CADM2: variants seen among roughly 807,000 people sequenced by gnomAD.
CADM2 encodes the protein immunoglobulin superfamily member 4D.
In CADM2, 12 loss-of-function variants were observed where a neutral mutation model predicts 49.8. The ratio of observed to expected loss-of-function variants is 0.24; its 90% CI spans 0.15 to 0.39. The LOEUF is 0.39. CADM2 is among the 10% of genes least tolerant of loss of function. The pLI, the probability that CADM2 is intolerant of heterozygous loss-of-function variation, is 1.00. For missense variants in CADM2, 378 were observed against 492.3 expected, an observed-to-expected ratio of 0.77 and a Z score of 2.20; for synonymous variants, 214 against 175.4, an observed-to-expected ratio of 1.22 and a Z score of -1.74.
intron 3 of CADM2, among the ~76,000 whole-genome samples, chr3:85,880,026 A>T (rs1449291879): frequency 6.6e-6 from 1 of 152,136 alleles, no homozygotes; most frequent in Non-Finnish European, 1.5e-5. Context: ...TGCCATCCCT[A>T]GTCCTTGGCA....
At chr3:85,359,656 A>AT (rs2032173104) in intron 1 of CADM2, among the ~76,000 whole-genome samples, 1 of 17,408 alleles carries the variant, frequency 5.7e-5, no homozygotes, top group East Asian at 1.2e-3. Flanking sequence ...ATATATATAT[A>AT]TATATATATA....
At chr3:85,441,097 C>T (rs1407316338) in intron 1 of CADM2, among the ~76,000 whole-genome samples, 2 of 151,894 alleles carry the variant, frequency 1.3e-5, no homozygotes, top group Non-Finnish European at 2.9e-5. Flanking sequence ...CCATAATTCT[C>T]ACATGTATTC....
chr3:85,929,733 T>A (rs1186093541), intron 6 of CADM2, among the ~76,000 whole-genome samples: 1 of 152,042 alleles, frequency 6.6e-6, no homozygotes, highest in Admixed American at 6.6e-5. Context: ...TTAACTCAGT[T>A]TTTGAGATGA....
At chr3:85,836,697 A>G (rs2074425172) in intron 3 of CADM2, among the ~76,000 whole-genome samples, 1 of 151,678 alleles carries the variant, frequency 6.6e-6, no homozygotes, top group African/African-American at 2.4e-5. Flanking sequence ...GAAGATATCC[A>G]GGGAAACTTC....
chr3:85,207,460 C>A (rs1414342131), intron 1 of CADM2, among the ~76,000 whole-genome samples: 4 of 152,092 alleles, frequency 2.6e-5, no homozygotes, highest in Non-Finnish European at 5.9e-5. Context: ...ATAATCTCTT[C>A]ATATTCTTCT....
intron 3 of CADM2, among the ~76,000 whole-genome samples, chr3:85,848,448 A>G (rs1447391121): frequency 2.0e-5 from 3 of 152,188 alleles, no homozygotes; most frequent in African/African-American, 7.2e-5. Flanking sequence ...TAATTAAACC[A>G]TAAAATAATC....
chr3:85,135,409 A>G (rs977660556), intron 1 of CADM2, among the ~76,000 whole-genome samples: 2 of 152,040 alleles, frequency 1.3e-5, no homozygotes, highest in African/African-American at 4.8e-5. Flanking sequence ...TTGCTTTTCT[A>G]TTGGCACAAT....
chr3:85,899,111 G>A (rs977674973), intron 5 of CADM2, among the ~76,000 whole-genome samples: 5 of 150,324 alleles, frequency 3.3e-5, no homozygotes, highest in Admixed American at 2.0e-4. Flanking sequence ...GATTACAGGC[G>A]TGCACCAACA....
At chr3:85,123,737 C>A (rs2038939369) in intron 1 of CADM2, among the ~76,000 whole-genome samples, 1 of 152,010 alleles carries the variant, frequency 6.6e-6, no homozygotes, top group South Asian at 2.1e-4. Flanking sequence ...ATATTTAAAT[C>A]TGTCCTTCTA....
intron 1 of CADM2, among the ~76,000 whole-genome samples, chr3:85,101,492 A>G (rs562091839): frequency 1.3e-5 from 2 of 152,250 alleles, no homozygotes; most frequent in Non-Finnish European, 2.9e-5. Flanking sequence ...CTAAATACCT[A>G]AAATTTCTTG....
At chr3:85,320,931 AT>A (rs71108274) in intron 1 of CADM2, among the ~76,000 whole-genome samples, 6 of 148,866 alleles carry the variant, frequency 4.0e-5, no homozygotes, top group African/African-American at 4.9e-5. Flanking sequence ...TTTCTGTTAG[AT>A]TTTTTTTTAA....
intron 1 of CADM2, among the ~76,000 whole-genome samples, chr3:85,286,309 T>C (rs1268108102): frequency 6.6e-6 from 1 of 152,170 alleles, no homozygotes; most frequent in Non-Finnish European, 1.5e-5. Context: ...ACACATTAAT[T>C]CAACATTCGT....
intron 6 of CADM2, among the ~76,000 whole-genome samples, chr3:85,935,342 C>T (rs1721077297): frequency 6.6e-6 from 1 of 152,002 alleles, no homozygotes; most frequent in East Asian, 1.9e-4. Context: ...ATTGTGGGTT[C>T]CTTATTGTGA....
At chr3:85,958,303 G>A (rs1724313193) in intron 7 of CADM2, among the ~76,000 whole-genome samples, 1 of 152,010 alleles carries the variant, frequency 6.6e-6, no homozygotes, top group Admixed American at 6.6e-5. Flanking sequence ...AGCAATAGAT[G>A]CTGGCAAGGC....
At chr3:85,065,886 T>G (rs1031582763) in intron 1 of CADM2, among the ~76,000 whole-genome samples, 1 of 152,154 alleles carries the variant, frequency 6.6e-6, no homozygotes, top group African/African-American at 2.4e-5. Flanking sequence ...ACAATAACTT[T>G]CTTTACTTTA....
intron 1 of CADM2, among the ~76,000 whole-genome samples, chr3:85,482,377 C>T (rs367876009): frequency 2.5e-4 from 38 of 151,872 alleles, no homozygotes; most frequent in African/African-American, 8.7e-4. Context: ...GAGAGTTTGT[C>T]AGAGACTTTT....
Position 85,653,057 on chromosome 3 carries a change from G to T in CADM2, c.62-73465G>T, listed in dbSNP as rs1300543281. On this transcript the variant is annotated intron_variant, in intron 1 of 9. Transcript: ENST00000383699. Reference sequence around the variant, plus strand: ...CAAAGTGCTGGGATTACAGGCGTGAGCCACCGCACCTGGCCTAACTTGGAA... The same window carrying T: ...CAAAGTGCTGGGATTACAGGCGTGATCCACCGCACCTGGCCTAACTTGGAA... Among the ~76,000 whole-genome samples, 4 of 151,808 alleles carry T rather than the reference G, an allele frequency of 2.6e-5. No homozygotes were observed. In the South Asian group the frequency reaches 6.3e-4, roughly 24 times the overall value.
intron 1 of CADM2, among the ~76,000 whole-genome samples, chr3:85,515,991 G>C (rs2060893778): frequency 6.6e-6 from 1 of 152,036 alleles, no homozygotes; most frequent in Non-Finnish European, 1.5e-5. Context: ...ATCCTCATAA[G>C]GAAAGGAAAT....
chr3:85,099,615 A>C (rs1402829549), intron 1 of CADM2, among the ~76,000 whole-genome samples: 2 of 151,972 alleles, frequency 1.3e-5, no homozygotes, highest in East Asian at 3.9e-4. Context: ...GATTATATGC[A>C]TGTGCCATTA....
Sources: gnomAD v4.1 joint callset for allele counts (sites outside exome capture counted in the v4.1 genomes callset) on GRCh38, gnomAD v4.1.1 for gene constraint, MANE v1.5 for transcripts, NCBI Gene and HGNC (gene_info 2026-07-23, HGNC 2026-07-21) for gene names.